Variants in IL1RAPL2 observed in about 807,000 individuals in gnomAD.
IL1RAPL2 encodes the protein interleukin 1 receptor accessory protein like 2.
Under a neutral mutation model 44.1 loss-of-function variants are expected in IL1RAPL2, and 3 were observed. That is an observed-to-expected ratio of 0.07 (90% CI 0.03 to 0.18). IL1RAPL2 has a LOEUF of 0.18. IL1RAPL2 is among the 10% of genes least tolerant of loss of function. IL1RAPL2 has a pLI of 1.00. For missense variants in IL1RAPL2, 391 were observed against 496.4 expected, an observed-to-expected ratio of 0.79 and a Z score of 2.02; for synonymous variants, 181 against 178.8, an observed-to-expected ratio of 1.01 and a Z score of -0.10.
intron 2 of IL1RAPL2, among the ~76,000 whole-genome samples, chrX:104,912,467 A>T (rs1024771835): frequency 2.7e-5 from 3 of 111,301 alleles, no homozygotes; most frequent in Non-Finnish European, 5.7e-5. Flanking sequence ...GACTAGTATA[A>T]GTATTAATTT....
intron 6 of IL1RAPL2, among the ~76,000 whole-genome samples, chrX:105,625,245 A>G (rs1236419537): frequency 8.9e-6 from 1 of 112,193 alleles, no homozygotes; most frequent in Non-Finnish European, 1.9e-5. Context: ...TCATTCATAC[A>G]GGTAGCAAAA....
chrX:104,672,442 C>T (rs1471668537), intron 2 of IL1RAPL2, among the ~76,000 whole-genome samples: 2 of 109,940 alleles, frequency 1.8e-5, no homozygotes, highest in East Asian at 2.8e-4. Context: ...TTTTTTATGG[C>T]TGCATAGTAT....
intron 2 of IL1RAPL2, among the ~76,000 whole-genome samples, chrX:104,959,436 G>T (rs1249816531): frequency 9.0e-6 from 1 of 111,447 alleles, no homozygotes; most frequent in Non-Finnish European, 1.9e-5. Context: ...CTGAGATGGG[G>T]GCACCAAGTT....
At chrX:105,462,559 C>T (rs932776797) in intron 5 of IL1RAPL2, among the ~76,000 whole-genome samples, 22 of 111,205 alleles carry the variant, frequency 2.0e-4, no homozygotes, top group African/African-American at 7.2e-4. Context: ...AAAAAAGTGT[C>T]TTCTTTTACT....
intron 5 of IL1RAPL2, among the ~76,000 whole-genome samples, chrX:105,286,560 G>T (rs771395144): frequency 1.9e-5 from 2 of 106,513 alleles, no homozygotes; most frequent in African/African-American, 6.7e-5. Context: ...CAGCTGAAGA[G>T]CAGAAAAAAC....
intron 6 of IL1RAPL2, among the ~76,000 whole-genome samples, chrX:105,570,821 AGAG>A (rs2037009567): frequency 8.9e-6 from 1 of 111,836 alleles, no homozygotes; most frequent in African/African-American, 3.2e-5. Flanking sequence ...GAATTGAAGT[AGAG>A]GAGAAGAACA....
At chrX:104,807,271 C>T (rs142574205) in intron 2 of IL1RAPL2, among the ~76,000 whole-genome samples, 1,464 of 111,509 alleles carry the variant, frequency 0.013, 11 homozygotes, top group Non-Finnish European at 0.021. Context: ...AATCTACCTA[C>T]TCACCAAGGT....
At chrX:104,610,990 G>A (rs1203746710) in intron 1 of IL1RAPL2, among the ~76,000 whole-genome samples, 1 of 111,612 alleles carries the variant, frequency 9.0e-6, no homozygotes, top group Non-Finnish European at 1.9e-5. Flanking sequence ...AATGGAGGCT[G>A]TAGAACAGCA....
chrX:105,624,671 C>A (rs2037441496), intron 6 of IL1RAPL2, among the ~76,000 whole-genome samples: 1 of 111,287 alleles, frequency 9.0e-6, no homozygotes, highest in African/African-American at 3.3e-5. Context: ...ATTATTATAG[C>A]CACGTGCCGC....
chrX:105,636,680 A>G (rs7065876), intron 6 of IL1RAPL2, among the ~76,000 whole-genome samples: 1,177 of 111,826 alleles, frequency 0.011, 23 homozygotes, highest in African/African-American at 0.036. Flanking sequence ...AAGATCTCAC[A>G]GCCTAGTGGA....
chrX:105,487,817 G>A (rs1419421086), intron 6 of IL1RAPL2, among the ~76,000 whole-genome samples: 2 of 111,968 alleles, frequency 1.8e-5, no homozygotes, highest in Non-Finnish European at 3.8e-5. Flanking sequence ...TGAGGCATTA[G>A]AAAACACCAT....
chrX:105,487,477 C>T (rs2036279242), intron 6 of IL1RAPL2, among the ~76,000 whole-genome samples: 1 of 111,974 alleles, frequency 8.9e-6, no homozygotes, highest in African/African-American at 3.2e-5. Context: ...TAGTTTGTAA[C>T]ACAATTGGAA....
At chrX:104,669,217 T>C (rs1459854736) in intron 2 of IL1RAPL2, among the ~76,000 whole-genome samples, 1 of 111,772 alleles carries the variant, frequency 8.9e-6, no homozygotes, top group Non-Finnish European at 1.9e-5. Flanking sequence ...TATTCTTTGA[T>C]AGGTGACAGC....
intron 1 of IL1RAPL2, chrX:104,647,665 C>T (rs1251672936): frequency 1.8e-6 from 1 of 547,253 alleles, no homozygotes. Flanking sequence ...CATCATAGTC[C>T]TCTCTGATGC....
chrX:104,721,229 C>T (rs1213104929), intron 2 of IL1RAPL2, among the ~76,000 whole-genome samples: 1 of 111,176 alleles, frequency 9.0e-6, no homozygotes, highest in Non-Finnish European at 1.9e-5. Context: ...TACATGCATG[C>T]GTATGTTCAT....
At chrX:105,612,208 T>C (rs961037931) in intron 6 of IL1RAPL2, among the ~76,000 whole-genome samples, 1 of 111,405 alleles carries the variant, frequency 9.0e-6, no homozygotes, top group Non-Finnish European at 1.9e-5. Context: ...CCAGACTCAA[T>C]TGATTCTCCT....
chrX:105,419,139 G>A (rs1427933245), intron 5 of IL1RAPL2, among the ~76,000 whole-genome samples: 7 of 111,502 alleles, frequency 6.3e-5, no homozygotes, highest in Non-Finnish European at 1.1e-4. Flanking sequence ...GGAGTGTTTC[G>A]GTAAAATTTA....
chrX:105,457,875 A>G (rs963773071), intron 5 of IL1RAPL2, among the ~76,000 whole-genome samples: 1 of 110,610 alleles, frequency 9.0e-6, no homozygotes, highest in African/African-American at 3.3e-5. Flanking sequence ...TCTATGTTTA[A>G]CTTTTTGAGA....
intron 1 of IL1RAPL2, among the ~76,000 whole-genome samples, chrX:104,638,981 A>C (rs1379720880): frequency 8.9e-6 from 1 of 112,476 alleles, no homozygotes; most frequent in Non-Finnish European, 1.9e-5. Context: ...TCTTCATTGC[A>C]GTCTATCTTT....
Sources: allele counts gnomAD v4.1 joint callset (sites outside exome capture counted in the v4.1 genomes callset), GRCh38; gene constraint gnomAD v4.1.1; transcripts MANE v1.5; gene names NCBI Gene and HGNC (gene_info 2026-07-23, HGNC 2026-07-21).